FSTL4: variants seen among roughly 807,000 people sequenced by gnomAD.
FSTL4 encodes the protein follistatin like 4, also known as follistatin-related protein 4.
A neutral mutation model predicts 78.2 loss-of-function variants in FSTL4; 28 were observed. The ratio of observed to expected loss-of-function variants is 0.36; its 90% confidence interval spans 0.27 to 0.49. The LOEUF is 0.49. FSTL4 is among the 20% of genes least tolerant of loss of function. The pLI is 0.98. For synonymous variants in FSTL4, 422 were observed against 440.5 expected, an observed-to-expected ratio of 0.96 and a Z score of 0.53; for missense variants, 922 against 1,084.9, an observed-to-expected ratio of 0.85 and a Z score of 2.11.
At chr5:133,579,077 C>T (rs183386257) in intron 2 of FSTL4, among the ~76,000 whole-genome samples, 3 of 152,308 alleles carry the variant, frequency 2.0e-5, no homozygotes, top group African/African-American at 7.2e-5. Flanking sequence ...CTGACACTAG[C>T]AGGGCTCAGC....
intron 3 of FSTL4, among the ~76,000 whole-genome samples, chr5:133,404,300 T>G (rs139436888): frequency 8.3e-4 from 127 of 152,204 alleles, no homozygotes; most frequent in African/African-American, 2.8e-3. Context: ...ACAGAATGAA[T>G]TCCCCACTCC....
chr5:133,793,075 T>C, the FSTL4 span, among the ~76,000 whole-genome samples: 1 of 152,144 alleles, frequency 6.6e-6, no homozygotes, highest in Non-Finnish European at 1.5e-5. Flanking sequence ...AAACTTAAAA[T>C]ACACGGTGTG....
chr5:133,414,574 C>T (rs542276764), intron 3 of FSTL4, among the ~76,000 whole-genome samples: 3 of 152,220 alleles, frequency 2.0e-5, no homozygotes, highest in Non-Finnish European at 4.4e-5. Flanking sequence ...CCTGATTTCA[C>T]TTGTATTTTT....
At chr5:133,283,264 C>CTGTG in intron 6 of FSTL4, among the ~76,000 whole-genome samples, 1 of 139,034 alleles carries the variant, frequency 7.2e-6, no homozygotes, top group East Asian at 2.3e-4. Flanking sequence ...GTGTGTGTGT[C>CTGTG]TGTGTGTGTG....
At chr5:133,395,163 C>G (rs1458264310) in intron 4 of FSTL4, among the ~76,000 whole-genome samples, 1 of 152,174 alleles carries the variant, frequency 6.6e-6, no homozygotes, top group East Asian at 1.9e-4. Context: ...CCCCAGCCAG[C>G]AGTGGCAACC....
At chr5:133,286,598 T>G (rs1753136118) in intron 6 of FSTL4, among the ~76,000 whole-genome samples, 1 of 152,182 alleles carries the variant, frequency 6.6e-6, no homozygotes, top group African/African-American at 2.4e-5. Flanking sequence ...AGCCCATGGA[T>G]GTTGCCCCAG....
intron 3 of FSTL4, among the ~76,000 whole-genome samples, chr5:133,473,443 C>T (rs560275007): frequency 8.4e-4 from 128 of 152,216 alleles, no homozygotes; most frequent in African/African-American, 3.0e-3. Context: ...ATGCTTGACC[C>T]CGTAACCACT....
the FSTL4 span, among the ~76,000 whole-genome samples, chr5:133,727,222 A>G: frequency 6.6e-6 from 1 of 152,212 alleles, no homozygotes; most frequent in Non-Finnish European, 1.5e-5. Flanking sequence ...GCAACAACAA[A>G]GGGCATTTTA....
intron 4 of FSTL4, among the ~76,000 whole-genome samples, chr5:133,335,880 C>T (rs911763538): frequency 1.3e-5 from 2 of 152,112 alleles, no homozygotes; most frequent in Admixed American, 1.3e-4. Flanking sequence ...AGGGGTGCTT[C>T]TTAATTATTT....
intron 3 of FSTL4, among the ~76,000 whole-genome samples, chr5:133,466,301 G>A (rs1015902669): frequency 2.6e-5 from 4 of 152,208 alleles, no homozygotes; most frequent in African/African-American, 4.8e-5. Flanking sequence ...CCAGCACTTT[G>A]GGAGGCCGAG....
intron 4 of FSTL4, among the ~76,000 whole-genome samples, chr5:133,348,145 A>G (rs1254748183): frequency 2.0e-5 from 3 of 152,230 alleles, no homozygotes; most frequent in Admixed American, 6.5e-5. Flanking sequence ...CACAGAGCAT[A>G]AAGGTATCAA....
chr5:133,572,783 C>G (rs998173514), intron 2 of FSTL4, among the ~76,000 whole-genome samples: 2 of 151,764 alleles, frequency 1.3e-5, no homozygotes, highest in African/African-American at 4.8e-5. Context: ...AGTACTGTCC[C>G]AAAAATGGCA....
the FSTL4 span, among the ~76,000 whole-genome samples, chr5:133,837,887 T>TTATA: frequency 2.8e-3 from 416 of 151,094 alleles, 3 homozygotes; most frequent in African/African-American, 9.3e-3. Flanking sequence ...TATTTTTATT[T>TTATA]TATATATATA....
intron 6 of FSTL4, among the ~76,000 whole-genome samples, chr5:133,301,530 T>C (rs1753539427): frequency 6.6e-6 from 1 of 151,790 alleles, no homozygotes; most frequent in African/African-American, 2.4e-5. Flanking sequence ...GAATGTGGGG[T>C]GGGCTTGGAA....
the FSTL4 span, among the ~76,000 whole-genome samples, chr5:133,703,780 C>T: frequency 6.6e-6 from 1 of 152,126 alleles, no homozygotes; most frequent in African/African-American, 2.4e-5. Context: ...CAAAAGTAGG[C>T]CCCTGAACTG....
intron 11 of FSTL4, among the ~76,000 whole-genome samples, chr5:133,221,912 T>TTTTGTTTTG (rs1561626822): frequency 7.0e-5 from 8 of 113,964 alleles, no homozygotes; most frequent in Admixed American, 1.6e-4. Context: ...TTTTTTTTTT[T>TTTTGTTTTG]TTTTTTTTTT....
intron 3 of FSTL4, among the ~76,000 whole-genome samples, chr5:133,415,625 G>A (rs1205448679): frequency 6.6e-6 from 1 of 152,064 alleles, no homozygotes; most frequent in Non-Finnish European, 1.5e-5. Flanking sequence ...AAGCCACCAC[G>A]AGGAAAGGGA....
chr5:133,567,705 C>T (rs1760057765), intron 2 of FSTL4, among the ~76,000 whole-genome samples: 1 of 152,220 alleles, frequency 6.6e-6, no homozygotes, highest in South Asian at 2.1e-4. Context: ...AGATTAAACA[C>T]AATTTATAGT....
chr5:133,505,495 A>C (rs915067172), intron 3 of FSTL4, among the ~76,000 whole-genome samples: 1 of 152,210 alleles, frequency 6.6e-6, no homozygotes, highest in African/African-American at 2.4e-5. Flanking sequence ...TTCTCTTCCT[A>C]AAGTCTGATT....
Sources: gnomAD v4.1 joint callset for allele counts (sites outside exome capture counted in the v4.1 genomes callset) on GRCh38, gnomAD v4.1.1 for gene constraint, MANE v1.5 for transcripts, NCBI Gene and HGNC (gene_info 2026-07-23, HGNC 2026-07-21) for gene names.